DCC: variants seen among roughly 807,000 people sequenced by gnomAD.
DCC encodes the protein DCC netrin 1 receptor.
In DCC, 58 loss-of-function variants were observed where a neutral mutation model predicts 172.5. That is an observed-to-expected ratio of 0.34 (90% CI 0.27 to 0.42). The LOEUF is 0.42. DCC is among the 10% of genes least tolerant of loss of function. The pLI, the probability that DCC is intolerant of heterozygous loss-of-function variation, is 1.00. For missense variants in DCC, 1,740 were observed against 1,791.0 expected (o/e 0.97, Z 0.51); for synonymous variants, 709 against 644.5 (o/e 1.10, Z -1.52).
intron 1 of DCC, among the ~76,000 whole-genome samples, chr18:52,639,589 A>G (rs1322411243): frequency 3.3e-5 from 5 of 152,072 alleles, no homozygotes; most frequent in African/African-American, 1.2e-4. Flanking sequence ...GAAAAATATA[A>G]CCCTCCTAGC....
At chr18:53,170,067 C>T (rs2054989187) in intron 8 of DCC, among the ~76,000 whole-genome samples, 1 of 152,122 alleles carries the variant, frequency 6.6e-6, no homozygotes, top group African/African-American at 2.4e-5. Flanking sequence ...ATCCTTGGGG[C>T]TAGAACTGAA....
In DCC at chr18:53,322,061, A is replaced by T; in HGVS notation, c.2068A>T (p.Ser690Cys). 6.2e-7 allele frequency: 1 copy of T among 1,600,964 alleles called. No individual in the cohort carries two copies. Among genetic ancestry groups the T allele is most frequent in the East Asian group, 2.2e-5 (1 of 44,784 alleles). ...TTCTTTCATAGGACTGGAGAAAGGA[A>T]GTCAGTACAGTTTCCAGGTGTCAGC... ...WYLFTGLEKG[S>C]QYSFQVSAMT... Residue 690 changes from serine (S) to cysteine (C), a missense_variant, in exon 14 of 29, where the codon AGT becomes TGT. Coordinates refer to ENST00000442544, the MANE Select transcript of DCC (RefSeq NM_005215.4).
intron 1 of DCC, among the ~76,000 whole-genome samples, chr18:52,450,144 A>G (rs1988256333): frequency 6.6e-6 from 1 of 152,202 alleles, no homozygotes; most frequent in African/African-American, 2.4e-5. Context: ...CCTTTGGTCC[A>G]TGTAATTTTC....
At chr18:52,483,995 G>C (rs575542995) in intron 1 of DCC, among the ~76,000 whole-genome samples, 9 of 151,954 alleles carry the variant, frequency 5.9e-5, no homozygotes, top group Admixed American at 2.0e-4. Context: ...AGCTCTTTCT[G>C]TTCTCTGAAT....
intron 2 of DCC, among the ~76,000 whole-genome samples, chr18:52,881,685 T>C (rs2039487658): frequency 6.6e-6 from 1 of 152,196 alleles, no homozygotes; most frequent in African/African-American, 2.4e-5. Flanking sequence ...GCCAGTACCA[T>C]GCTGTGTTGG....
At chr18:52,677,737 A>G (rs2035671109) in intron 1 of DCC, among the ~76,000 whole-genome samples, 3 of 152,106 alleles carry the variant, frequency 2.0e-5, no homozygotes, top group Admixed American at 2.0e-4. Flanking sequence ...AGAAGAAAAA[A>G]AATTTCTTTC....
At chr18:53,422,060 G>A (rs1231050638) in intron 21 of DCC, among the ~76,000 whole-genome samples, 1 of 152,090 alleles carries the variant, frequency 6.6e-6, no homozygotes, top group Non-Finnish European at 1.5e-5. Context: ...CTAAAATGGA[G>A]TCAGGAGGTT....
At chr18:52,664,476 C>T (rs67737717) in intron 1 of DCC, among the ~76,000 whole-genome samples, 87,291 of 112,582 alleles carry the variant, frequency 0.78, 34,612 homozygotes, top group African/African-American at 0.88. Flanking sequence ...TTTTCTTTTT[C>T]TTTTTTTTTT....
At chr18:52,549,570 T>C (rs2032707583) in intron 1 of DCC, among the ~76,000 whole-genome samples, 1 of 152,086 alleles carries the variant, frequency 6.6e-6, no homozygotes, top group Admixed American at 6.6e-5. Context: ...GTAGCCTCAT[T>C]CCTACCACCA....
intron 5 of DCC, among the ~76,000 whole-genome samples, chr18:52,976,032 C>T (rs548425959): frequency 2.6e-5 from 4 of 152,210 alleles, no homozygotes; most frequent in African/African-American, 9.6e-5. Context: ...TATTTTTTGA[C>T]TTTTCACTAG....
At chr18:52,814,440 C>T (rs2038255285) in intron 2 of DCC, among the ~76,000 whole-genome samples, 3 of 152,142 alleles carry the variant, frequency 2.0e-5, no homozygotes, top group Admixed American at 2.0e-4. Flanking sequence ...ACTCTGACAC[C>T]TCCTCTTTCA....
chr18:52,406,593 A>G (rs961753782), intron 1 of DCC, among the ~76,000 whole-genome samples: 2 of 152,126 alleles, frequency 1.3e-5, no homozygotes, highest in African/African-American at 4.8e-5. Context: ...ATCCTCTGCA[A>G]TCTCTGTGCC....
At chr18:53,033,707 C>A (rs1251448304) in intron 5 of DCC, among the ~76,000 whole-genome samples, 1 of 152,038 alleles carries the variant, frequency 6.6e-6, no homozygotes, top group East Asian at 1.9e-4. Context: ...CCATAATACT[C>A]TCCTATCTTA....
chr18:53,128,043 A>C (rs1258543239), intron 7 of DCC, among the ~76,000 whole-genome samples: 3 of 152,138 alleles, frequency 2.0e-5, no homozygotes, highest in Non-Finnish European at 2.9e-5. Context: ...TTGCATAAAC[A>C]TAGCTGGCAA....
intron 1 of DCC, among the ~76,000 whole-genome samples, chr18:52,686,464 T>A (rs1306569885): frequency 6.6e-6 from 1 of 152,134 alleles, no homozygotes; most frequent in Non-Finnish European, 1.5e-5. Flanking sequence ...CAACAGTATC[T>A]GGCAGTATTT....
At chr18:53,064,880 G>T (rs552413943) in intron 6 of DCC, among the ~76,000 whole-genome samples, 1 of 152,140 alleles carries the variant, frequency 6.6e-6, no homozygotes, top group African/African-American at 2.4e-5. Flanking sequence ...ACACTTAAAG[G>T]ACATTTTTCA....
At chr18:52,628,352 T>C (rs115744341) in intron 1 of DCC, among the ~76,000 whole-genome samples, 2,235 of 152,324 alleles carry the variant, frequency 0.015, 50 homozygotes, top group African/African-American at 0.051. Context: ...CCAAGAGACT[T>C]AGCATCCAAT....
chr18:53,274,389 A>G (rs562800811), intron 12 of DCC, among the ~76,000 whole-genome samples: 1 of 152,290 alleles, frequency 6.6e-6, no homozygotes, highest in South Asian at 2.1e-4. Flanking sequence ...TCATCCTATT[A>G]GGAACAACTT....
At chr18:52,775,540 A>G (rs2037414628) in intron 2 of DCC, among the ~76,000 whole-genome samples, 1 of 152,196 alleles carries the variant, frequency 6.6e-6, no homozygotes, top group African/African-American at 2.4e-5. Context: ...GGGAGCCAGA[A>G]GGGAGATGGT....
Sources: gnomAD v4.1 joint callset for allele counts (sites outside exome capture counted in the v4.1 genomes callset) on GRCh38, gnomAD v4.1.1 for gene constraint, MANE v1.5 for transcripts, NCBI Gene and HGNC (gene_info 2026-07-23, HGNC 2026-07-21) for gene names.